NRG1: variants seen among roughly 807,000 people sequenced by gnomAD.
The protein encoded by NRG1 is neuregulin 1.
Under a neutral mutation model 63.8 loss-of-function variants are expected in NRG1, and 18 were observed. The observed-to-expected ratio is 0.28, with a 90% CI of 0.19 to 0.42. The LOEUF is 0.42. Ranked by LOEUF, NRG1 falls within the 10% of genes least tolerant of loss-of-function variation. NRG1 has a pLI of 1.00. For synonymous variants in NRG1, 302 were observed against 301.3 expected (o/e 1.00, Z -0.02); for missense variants, 762 against 814.7 (o/e 0.94, Z 0.79).
intron 1 of NRG1, among the ~76,000 whole-genome samples, chr8:32,079,591 C>A (rs1827135946): frequency 6.6e-6 from 1 of 152,034 alleles, no homozygotes. Flanking sequence ...TACATAATGG[C>A]AGGATTCATA....
At chr8:31,663,145 C>A (rs1400917986) in intron 1 of NRG1, among the ~76,000 whole-genome samples, 2 of 152,144 alleles carry the variant, frequency 1.3e-5, no homozygotes, top group African/African-American at 4.8e-5. Flanking sequence ...CTCCCTGAGA[C>A]TGGTTTGGTG....
intron 1 of NRG1, among the ~76,000 whole-genome samples, chr8:32,460,935 T>A (rs1822233715): frequency 6.6e-6 from 1 of 152,186 alleles, no homozygotes; most frequent in African/African-American, 2.4e-5. Flanking sequence ...ATGTTAAGAC[T>A]ATATATCCTA....
chr8:32,211,210 A>G (rs1447378913), intron 1 of NRG1, among the ~76,000 whole-genome samples: 1 of 152,202 alleles, frequency 6.6e-6, no homozygotes, highest in African/African-American at 2.4e-5. Flanking sequence ...CTATATACAC[A>G]GTATATCTTG....
chr8:32,593,736 A>G (rs1276161690), intron 1 of NRG1, among the ~76,000 whole-genome samples: 1 of 151,854 alleles, frequency 6.6e-6, no homozygotes, highest in Non-Finnish European at 1.5e-5. Flanking sequence ...TGTAGACACT[A>G]TTTCAGATAA....
chr8:32,747,546 T>C (rs1827680028), intron 7 of NRG1, among the ~76,000 whole-genome samples: 1 of 151,994 alleles, frequency 6.6e-6, no homozygotes. Context: ...TATTTTGCTG[T>C]GAATATTGTG....
At chr8:32,108,141 A>G (rs1563795653) in intron 1 of NRG1, among the ~76,000 whole-genome samples, 1 of 152,204 alleles carries the variant, frequency 6.6e-6, no homozygotes, top group Non-Finnish European at 1.5e-5. Context: ...CCCTCCTCAA[A>G]GAAGTCCTCA....
intron 1 of NRG1, among the ~76,000 whole-genome samples, chr8:32,268,003 A>G (rs1041331710): frequency 1.3e-5 from 2 of 152,124 alleles, no homozygotes; most frequent in African/African-American, 4.8e-5. Context: ...AGTTGGCCAG[A>G]TATATGTGAT....
chr8:31,748,039 G>T (rs1816070114), intron 1 of NRG1, among the ~76,000 whole-genome samples: 1 of 151,730 alleles, frequency 6.6e-6, no homozygotes, highest in African/African-American at 2.4e-5. Context: ...AACCATTTTT[G>T]TTGTTCTTTG....
chr8:32,557,628 A>G (rs939228060), intron 1 of NRG1, among the ~76,000 whole-genome samples: 9 of 152,214 alleles, frequency 5.9e-5, no homozygotes, highest in African/African-American at 1.9e-4. Flanking sequence ...GAAGGATTAG[A>G]TGAAATACAG....
chr8:32,616,703 T>A lies in NRG1; in HGVS notation c.452-132T>A, dbSNP rs142977209. ...TGAGTATTGCATTCTGACTTATAAATGCTTCAGCTTCTCTGTTGCACGGTG... is the reference window on the plus strand; with the variant it reads ...TGAGTATTGCATTCTGACTTATAAAAGCTTCAGCTTCTCTGTTGCACGGTG... On this transcript the variant is annotated intron_variant, in intron 4 of 11. Transcript: ENST00000356819. 1.5e-5 allele frequency: 11 copies of A among 734,082 alleles called. No individual in the cohort carries two copies. The African/African-American group carries it at 1.9e-4, about 13-fold the overall frequency. 45.5% of individuals were successfully genotyped at this position (734,082 alleles called of 1,614,324 possible).
intron 1 of NRG1, among the ~76,000 whole-genome samples, chr8:32,583,069 A>T (rs970679434): frequency 6.6e-6 from 1 of 151,948 alleles, no homozygotes; most frequent in African/African-American, 2.4e-5. Flanking sequence ...TTTGTCTCTC[A>T]AGAATGACCA....
At chr8:31,996,581 TA>T (rs557008615) in intron 1 of NRG1, among the ~76,000 whole-genome samples, 65 of 151,576 alleles carry the variant, frequency 4.3e-4, no homozygotes, top group Admixed American at 3.8e-3. Flanking sequence ...AAAAATAATT[TA>T]AAAAAAATTA....
At chr8:31,913,804 G>GA (rs982748052) in intron 1 of NRG1, among the ~76,000 whole-genome samples, 102 of 151,984 alleles carry the variant, frequency 6.7e-4, no homozygotes, top group African/African-American at 2.3e-3. Flanking sequence ...GTTTGTGCAG[G>GA]AAAAAAAATT....
chr8:32,227,806 T>A (rs1846495764), intron 1 of NRG1, among the ~76,000 whole-genome samples: 1 of 152,112 alleles, frequency 6.6e-6, no homozygotes, highest in Non-Finnish European at 1.5e-5. Context: ...ACCACAGCAT[T>A]CCTGATCACC....
intron 1 of NRG1, among the ~76,000 whole-genome samples, chr8:32,174,568 A>G (rs1360303140): frequency 6.6e-6 from 1 of 152,214 alleles, no homozygotes; most frequent in Non-Finnish European, 1.5e-5. Context: ...AAATATCAAC[A>G]AAATTGATAG....
chr8:32,632,408 G>T (rs1237353583), intron 5 of NRG1, among the ~76,000 whole-genome samples: 1 of 152,098 alleles, frequency 6.6e-6, no homozygotes, highest in Non-Finnish European at 1.5e-5. Flanking sequence ...AATTAGCCGG[G>T]CGTGGTGGTG....
At chr8:32,055,602 A>T (rs1361055162) in intron 1 of NRG1, among the ~76,000 whole-genome samples, 1 of 151,338 alleles carries the variant, frequency 6.6e-6, no homozygotes, top group African/African-American at 2.4e-5. Flanking sequence ...ATCTGAGTTC[A>T]TTTTTTTTCT....
chr8:32,005,186 A>AATG (rs1813570776), intron 1 of NRG1, among the ~76,000 whole-genome samples: 1 of 151,810 alleles, frequency 6.6e-6, no homozygotes, highest in African/African-American at 2.4e-5. Context: ...ACAGGCGAGG[A>AATG]ATGATGAGAA....
intron 1 of NRG1, among the ~76,000 whole-genome samples, chr8:32,494,041 T>C (rs1317913100): frequency 6.6e-6 from 1 of 152,252 alleles, no homozygotes; most frequent in African/African-American, 2.4e-5. Context: ...TTCTTCTTAA[T>C]TGCTTGTTTG....
Sources: gnomAD v4.1 joint callset for allele counts (sites outside exome capture counted in the v4.1 genomes callset) on GRCh38, gnomAD v4.1.1 for gene constraint, MANE v1.5 for transcripts, NCBI Gene and HGNC (gene_info 2026-07-23, HGNC 2026-07-21) for gene names.